ARID5B: variants seen among roughly 807,000 people sequenced by gnomAD.
ARID5B encodes the protein AT-rich interactive domain-containing protein 5B.
A neutral mutation model predicts 97.2 loss-of-function variants in ARID5B; 13 were observed. The observed-to-expected ratio is 0.13, with a 90% confidence interval of 0.09 to 0.21. The LOEUF is 0.21. ARID5B is among the 10% of genes least tolerant of loss of function. ARID5B has a pLI of 1.00. For synonymous variants in ARID5B, 556 were observed against 570.3 expected, an observed-to-expected ratio of 0.97 and a Z score of 0.36; for missense variants, 1,210 against 1,465.3, an observed-to-expected ratio of 0.83 and a Z score of 2.84.
chr10:62,079,963 A>C (rs910126494), intron 8 of ARID5B, among the ~76,000 whole-genome samples: 2 of 152,208 alleles, frequency 1.3e-5, no homozygotes, highest in African/African-American at 4.8e-5. Flanking sequence ...CATAGAATAC[A>C]GGTGATGCTA....
intron 2 of ARID5B, among the ~76,000 whole-genome samples, chr10:61,926,474 A>C (rs552361121): frequency 6.6e-6 from 1 of 152,334 alleles, no homozygotes; most frequent in South Asian, 2.1e-4. Flanking sequence ...TAGATGGGAT[A>C]ATGTCTATTA....
rs35376293 is a variant in ARID5B at position 61,912,666 on chromosome 10, T to TTATATA, written c.276+10267_276+10272dup. On this transcript the variant is annotated intron_variant, in intron 2 of 9. Coordinates refer to ENST00000279873, the MANE Select transcript of ARID5B (RefSeq NM_032199.3). ...ATTATGTGTGTATATATATGCATGT[T>TTATATA]TATATATATATATATATATGTATAC... is the stretch of plus-strand genomic sequence containing the variant. Among the ~76,000 whole-genome samples the TTATATA allele has an allele frequency of 3.1e-3, 452 of 147,348 alleles. 6 individuals carry two copies. Among genetic ancestry groups the TTATATA allele is most frequent in the South Asian group, 7.5e-3 (35 of 4,644 alleles).
At chr10:62,065,847 A>AAAAAG (rs1319686143) in intron 7 of ARID5B, among the ~76,000 whole-genome samples, 2 of 40,890 alleles carry the variant, frequency 4.9e-5, no homozygotes, top group Non-Finnish European at 9.1e-5. Flanking sequence ...CTCTGTCTCA[A>AAAAAG]AAAAAAAAAA....
chr10:61,948,380 A>ATTTTTTTTTTTTTTGTTTTT (rs1838271470), intron 3 of ARID5B, among the ~76,000 whole-genome samples: 1 of 86,222 alleles, frequency 1.2e-5, no homozygotes, highest in Non-Finnish European at 2.2e-5. Context: ...ACTTTAGGTA[A>ATTTTTTTTTTTTTTGTTTTT]TTTTTTTTTT....
In ARID5B at chr10:62,092,921, C is replaced by T; in HGVS notation, c.3458C>T (p.Ser1153Leu). ...HLAAATPVGSSYGDLLHNSIY... is the reference protein window; with the variant it reads ...HLAAATPVGSLYGDLLHNSIY... ...GCTGCGGCTACACCTGTAGGAAGTT[C>T]ATATGGGGACCTTTTGCATAACAGC... is the stretch of plus-strand genomic sequence containing the variant. Residue 1153 changes from serine (S) to leucine (L), a missense_variant, in exon 10 of 10, where the codon TCA becomes TTA. Ser to Leu is a moderately radical substitution (Grantham distance 145). Coordinates refer to ENST00000279873, the MANE Select transcript of ARID5B (RefSeq NM_032199.3). 1 of 1,614,202 alleles carries T rather than the reference C, an allele frequency of 6.2e-7. No homozygotes were observed. Among genetic ancestry groups the T allele is most frequent in the Non-Finnish European group, 8.5e-7 (1 of 1,180,034 alleles).
chr10:61,975,959 G>GT (rs1460176571), intron 3 of ARID5B, among the ~76,000 whole-genome samples: 3 of 152,240 alleles, frequency 2.0e-5, no homozygotes, highest in Non-Finnish European at 2.9e-5. Context: ...ATCACATTTT[G>GT]TTTCCATGTT....
chr10:61,996,432 T>C (rs995666278), intron 3 of ARID5B, among the ~76,000 whole-genome samples: 1 of 152,084 alleles, frequency 6.6e-6, no homozygotes, highest in African/African-American at 2.4e-5. Flanking sequence ...GATTGGGTTA[T>C]AAGTCCCAGC....
intron 2 of ARID5B, among the ~76,000 whole-genome samples, chr10:61,925,575 A>G (rs943716348): frequency 4.6e-5 from 7 of 152,146 alleles, no homozygotes; most frequent in African/African-American, 1.7e-4. Context: ...GTTTAGAGAG[A>G]AAGTATGTAG....
chr10:61,982,119 G>T (rs1564619323), intron 3 of ARID5B, among the ~76,000 whole-genome samples: 3 of 152,308 alleles, frequency 2.0e-5, no homozygotes, highest in South Asian at 2.1e-4. Context: ...TTGGAGACTT[G>T]GGGTTAGATT....
chr10:61,979,957 G>T (rs1040359139), intron 3 of ARID5B, among the ~76,000 whole-genome samples: 1 of 152,184 alleles, frequency 6.6e-6, no homozygotes, highest in African/African-American at 2.4e-5. Context: ...GCCAAGCGTG[G>T]TGGCACATGC....
At chr10:61,936,364 T>C (rs10821933) in intron 2 of ARID5B, among the ~76,000 whole-genome samples, 80,000 of 152,084 alleles carry the variant, frequency 0.53, 21,256 homozygotes, top group Non-Finnish European at 0.55. Context: ...ACGCCTGTAA[T>C]CCCAGCGCCC....
chr10:62,011,965 C>T lies in ARID5B; in HGVS notation c.733+11644C>T, dbSNP rs556046202. On this transcript the variant is annotated intron_variant, in intron 4 of 9. Coordinates refer to ENST00000279873, the MANE Select transcript of ARID5B (RefSeq NM_032199.3). ...AGAATCTTCCATAAACCAGATGCTC[C>T]CCCTCCTTCATCCCCTTAGTACCAT... 3.9e-5 allele frequency among the ~76,000 whole-genome samples: 6 copies of T among 152,148 alleles called. No individual in the cohort carries two copies. In the South Asian group the frequency reaches 1.2e-3, roughly 32 times the overall value.
chr10:62,066,614 G>A (rs1839992855), intron 7 of ARID5B, among the ~76,000 whole-genome samples: 1 of 152,156 alleles, frequency 6.6e-6, no homozygotes, highest in South Asian at 2.1e-4. Context: ...TTAATGCCCA[G>A]CGGTGCTTGA....
chr10:61,970,931 G>A (rs1838617712), intron 3 of ARID5B, among the ~76,000 whole-genome samples: 1 of 151,770 alleles, frequency 6.6e-6, no homozygotes, highest in Non-Finnish European at 1.5e-5. Context: ...TTTTCTGTAA[G>A]TAGATTGAGA....
In ARID5B at chr10:62,096,910, T is replaced by C. The variant is rs1840478693; in HGVS notation, c.*3880T>C. 4.3e-6 allele frequency: 1 copy of C among 232,992 alleles called. No individual in the cohort carries two copies. Among genetic ancestry groups the C allele is most frequent in the Non-Finnish European group, 8.5e-6 (1 of 117,696 alleles). 14.4% of individuals were successfully genotyped at this position (232,992 alleles called of 1,614,324 possible). A position where few individuals can be genotyped will look rare whatever the true frequency, so the allele number is the denominator to read the frequency against. On this transcript the variant is annotated 3_prime_UTR_variant, in exon 10 of 10. Coordinates refer to ENST00000279873, the MANE Select transcript of ARID5B (RefSeq NM_032199.3). ...AGATATTTTGTACTTTTTGATCCAC[T>C]GTAATATTTAATAAAAAATGTTACT...
chr10:62,035,489 A>T (rs1455818208), intron 4 of ARID5B, among the ~76,000 whole-genome samples: 1 of 152,084 alleles, frequency 6.6e-6, no homozygotes, highest in Non-Finnish European at 1.5e-5. Flanking sequence ...GCATTTTTTC[A>T]AATTTGTTAT....
chr10:61,974,481 A>G (rs1838673384), intron 3 of ARID5B, among the ~76,000 whole-genome samples: 1 of 152,200 alleles, frequency 6.6e-6, no homozygotes, highest in South Asian at 2.1e-4. Context: ...GTGGGACAGG[A>G]ATGTTGAAAT....
At chr10:62,043,965 G>A (rs1554847194) in intron 4 of ARID5B, among the ~76,000 whole-genome samples, 1 of 151,996 alleles carries the variant, frequency 6.6e-6, no homozygotes, top group Non-Finnish European at 1.5e-5. Flanking sequence ...TACTCTCATT[G>A]TTGACTCTTG....
intron 4 of ARID5B, among the ~76,000 whole-genome samples, chr10:62,009,701 T>A (rs1839192491): frequency 6.6e-6 from 1 of 152,210 alleles, no homozygotes; most frequent in Non-Finnish European, 1.5e-5. Context: ...AAGGAGAGGA[T>A]ATCTGCCAAA....
Sources: allele counts gnomAD v4.1 joint callset (sites outside exome capture counted in the v4.1 genomes callset), GRCh38; gene constraint gnomAD v4.1.1; transcripts MANE v1.5; gene names NCBI Gene and HGNC (gene_info 2026-07-23, HGNC 2026-07-21).